Variants in ZNF600 observed in about 807,000 individuals in gnomAD.
ZNF600 encodes the protein zinc finger protein KR-ZNF1.
In ZNF600, 4 loss-of-function variants were observed where a neutral mutation model predicts 7.3. The ratio of observed to expected loss-of-function variants is 0.55; its 90% CI spans 0.27 to 1.25. ZNF600 has a LOEUF of 1.25. Among genes scored for constraint, ZNF600 ranks in the 50% most tolerant of loss-of-function variants. The probability of loss-of-function intolerance (pLI) is 0.12; values close to 1 mark genes in which losing one functional copy is unlikely to be tolerated. For synonymous variants in ZNF600, 290 were observed against 308.9 expected, an observed-to-expected ratio of 0.94 and a Z score of 0.64; for missense variants, 911 against 922.1, an observed-to-expected ratio of 0.99 and a Z score of 0.16.
the ZNF600 span, among the ~76,000 whole-genome samples, chr19:52,819,054 C>T: frequency 1.6e-4 from 23 of 141,532 alleles, 5 homozygotes; most frequent in African/African-American, 6.1e-4. Context: ...GTGCCATCTT[C>T]ATTTAGAAAC....
chr19:52,812,163 G>A, the ZNF600 span, among the ~76,000 whole-genome samples: 8 of 126,774 alleles, frequency 6.3e-5, 2 homozygotes, highest in African/African-American at 1.2e-4. Flanking sequence ...CCCCCCGCCC[G>A]GCCAGCCGCC....
rs1032730731 is a variant in ZNF600 at position 52,783,045 on chromosome 19, C to T, written c.-20+3550G>A. On this transcript the variant is annotated intron_variant, in intron 1 of 3. Coordinates refer to ENST00000648973, the Ensembl canonical transcript of ZNF600. The stretch of plus-strand genomic sequence containing the variant: ...GTCACTTCTTACTCTACTTCTCTCC[C>T]TCACTCCCCACCCCATCCATGAAAA... Among the ~76,000 whole-genome samples the T allele has an allele frequency of 2.9e-5, 4 of 136,848 alleles. 1 individual carries two copies. The highest frequency in any genetic ancestry group is 9.8e-5 in the African/African-American group (4 of 40,858). 89.8% of individuals were successfully genotyped at this position (136,848 alleles called of 152,430 possible).
the ZNF600 span, among the ~76,000 whole-genome samples, chr19:52,828,737 A>G: frequency 1.3e-5 from 2 of 152,234 alleles, no homozygotes; most frequent in Admixed American, 6.5e-5. Flanking sequence ...TGTATTGGCC[A>G]AAAGCCATGT....
intron 3 of ZNF600, among the ~76,000 whole-genome samples, chr19:52,768,444 A>G (rs1172131630): frequency 2.0e-5 from 3 of 151,952 alleles, no homozygotes; most frequent in Non-Finnish European, 4.4e-5. Context: ...CACCTCAAAA[A>G]AAAAAAAAAA....
At chr19:52,803,835 T>C in the ZNF600 span, among the ~76,000 whole-genome samples, 2 of 152,118 alleles carry the variant, frequency 1.3e-5, no homozygotes, top group Non-Finnish European at 2.9e-5. Context: ...GGAGGGTGCC[T>C]GTAATCCCAG....
chr19:52,798,398 A>G, the ZNF600 span: 1 of 383,996 alleles, frequency 2.6e-6, no homozygotes, highest in Non-Finnish European at 5.1e-6. Flanking sequence ...TGTAATGTCA[A>G]TTAATGCTTG....
the ZNF600 span, among the ~76,000 whole-genome samples, chr19:52,813,854 G>C: frequency 5.5e-5 from 8 of 146,004 alleles, 1 homozygote; most frequent in Non-Finnish European, 1.0e-4. Context: ...GTTTTGTTTT[G>C]TCTTCCTTTG....
At chr19:52,828,962 G>T in the ZNF600 span, among the ~76,000 whole-genome samples, 1 of 152,072 alleles carries the variant, frequency 6.6e-6, no homozygotes, top group Non-Finnish European at 1.5e-5. Context: ...CCAGATTCAC[G>T]CCATTCTCCT....
chr19:52,811,658 ACCGCCCCGT>A, the ZNF600 span, among the ~76,000 whole-genome samples: 10 of 138,784 alleles, frequency 7.2e-5, no homozygotes, highest in Admixed American at 4.2e-4. Flanking sequence ...CTGCCTGGCA[ACCGCCCCGT>A]CTGAGAAGTG....
At chr19:52,769,359 C>A (rs987151363) in intron 3 of ZNF600, among the ~76,000 whole-genome samples, 5 of 152,188 alleles carry the variant, frequency 3.3e-5, no homozygotes, top group African/African-American at 1.2e-4. Flanking sequence ...TTCTAGATAA[C>A]AGTAGCAAAA....
the ZNF600 span, among the ~76,000 whole-genome samples, chr19:52,804,903 A>C: frequency 6.6e-6 from 1 of 152,198 alleles, no homozygotes; most frequent in Non-Finnish European, 1.5e-5. Flanking sequence ...TTATTAAACA[A>C]AGGAAGTTAA....
intron 1 of ZNF600, among the ~76,000 whole-genome samples, chr19:52,781,997 T>G (rs910813418): frequency 2.6e-5 from 4 of 151,248 alleles, no homozygotes; most frequent in Admixed American, 6.6e-5. Flanking sequence ...GGAGGCGGAG[T>G]TTGCAGTGAG....
chr19:52,786,400 A>G (rs2062763980), intron 1 of ZNF600, among the ~76,000 whole-genome samples, 195 bp downstream of exon 1: 1 of 152,084 alleles, frequency 6.6e-6, no homozygotes, highest in South Asian at 2.1e-4. Context: ...CGAGGCTGGG[A>G]GGCGCCCAGG....
At chr19:52,797,331 T>G in the ZNF600 span, 6 of 152,354 alleles carry the variant, frequency 3.9e-5, no homozygotes, top group South Asian at 2.1e-4. Context: ...AAGAATGCTC[T>G]CACCCTTTCT....
At chr19:52,803,051 G>A in the ZNF600 span, among the ~76,000 whole-genome samples, 235 of 151,114 alleles carry the variant, frequency 1.6e-3, 2 homozygotes, top group African/African-American at 5.4e-3. Context: ...ATGAGCCACC[G>A]CACACGGCCG....
the ZNF600 span, among the ~76,000 whole-genome samples, chr19:52,831,790 C>A: frequency 4.0e-3 from 606 of 152,160 alleles, 24 homozygotes; most frequent in Admixed American, 0.038. Context: ...AGGCATGTGC[C>A]ACTGCTCCCA....
the ZNF600 span, among the ~76,000 whole-genome samples, chr19:52,807,045 A>G: frequency 3.3e-5 from 5 of 152,172 alleles, no homozygotes; most frequent in Non-Finnish European, 5.9e-5. Context: ...CCCACACACT[A>G]TTTGAAGGTG....
Position 52,766,426 on chromosome 19 carries a change from AT to A in ZNF600, c.1536del (p.Lys512AsnfsTer20). The A allele has an allele frequency of 1.2e-6, 2 of 1,614,058 alleles. No individual in the cohort carries two copies. The highest frequency in any genetic ancestry group is 2.2e-5 in the South Asian group (2 of 91,072). The stretch of plus-strand genomic sequence containing the variant: ...CTGAAAACCTTTTCACATTCTTCAT[AT>A]TTGTAAGGTTGCTCTCCAGTATGAA... On this transcript the variant is annotated frameshift_variant, in exon 4 of 4. Coordinates refer to ENST00000648973, the Ensembl canonical transcript of ZNF600. LOFTEE classifies it low-confidence loss of function (END_TRUNC).
chr19:52,831,708 G>T, the ZNF600 span, among the ~76,000 whole-genome samples: 1 of 152,010 alleles, frequency 6.6e-6, no homozygotes, highest in African/African-American at 2.4e-5. Flanking sequence ...GTTTCACCGT[G>T]TTAGCCAGGA....
Sources: allele counts gnomAD v4.1 joint callset (sites outside exome capture counted in the v4.1 genomes callset), GRCh38; gene constraint gnomAD v4.1.1; transcripts MANE v1.5; gene names NCBI Gene and HGNC (gene_info 2026-07-23, HGNC 2026-07-21).